Variants in EPM2A observed in about 807,000 individuals in gnomAD.
EPM2A encodes the protein laforin.
Under a neutral mutation model 26.5 loss-of-function variants are expected in EPM2A, and 21 were observed. The ratio of observed to expected loss-of-function variants is 0.79; its 90% CI spans 0.56 to 1.14. The LOEUF (loss-of-function observed/expected upper bound fraction) is 1.14. Among genes scored for constraint, EPM2A ranks in the 50% most tolerant of loss-of-function variants. EPM2A has a pLI of 0.00. For missense variants in EPM2A, 458 were observed against 440.8 expected, an observed-to-expected ratio of 1.04 and a Z score of -0.35; for synonymous variants, 217 against 177.6, an observed-to-expected ratio of 1.22 and a Z score of -1.76.
chr6:145,570,699 C>A (rs1233034804), intron 2 of EPM2A, among the ~76,000 whole-genome samples: 1 of 152,150 alleles, frequency 6.6e-6, no homozygotes, highest in African/African-American at 2.4e-5. Flanking sequence ...TGGAGTGACC[C>A]AAACCTTCAT....
intron 1 of EPM2A, among the ~76,000 whole-genome samples, chr6:145,712,449 T>C (rs910162462): frequency 2.6e-5 from 4 of 152,090 alleles, no homozygotes; most frequent in Non-Finnish European, 5.9e-5. Flanking sequence ...ACGCACTGCT[T>C]TGAAGAATTA....
chr6:145,695,266 T>C (rs191975119), intron 1 of EPM2A, among the ~76,000 whole-genome samples: 24 of 152,096 alleles, frequency 1.6e-4, no homozygotes, highest in African/African-American at 2.4e-4. Flanking sequence ...GTAAACCTCA[T>C]GGTAATTGCA....
At chr6:145,529,367 T>C (rs755564879) in intron 2 of EPM2A, among the ~76,000 whole-genome samples, 1 of 152,166 alleles carries the variant, frequency 6.6e-6, no homozygotes, top group Non-Finnish European at 1.5e-5. Flanking sequence ...CACTTCACTA[T>C]TGTCTTATTT....
At chr6:145,630,056 T>G (rs1776132759) in intron 3 of EPM2A, 2 of 152,248 alleles carry the variant, frequency 1.3e-5, no homozygotes, top group Admixed American at 1.3e-4. Flanking sequence ...CCCCTTTTCA[T>G]TTTATGTGTA....
rs4895674 is a variant in EPM2A at position 145,414,724 on chromosome 6, T to C, written c.556-30627A>G. On this transcript the variant is annotated intron_variant, in intron 4 of 4. Coordinates refer to the EPM2A transcript ENST00000638717. ...CTCTGACCTGCAAGTCCAATGTGGA[T>C]AGCAAATTCTCCTGGACAGCACTTT... Among the ~76,000 whole-genome samples the C allele has an allele frequency of 6.6e-5, 10 of 151,858 alleles. No individual in the cohort carries two copies. The East Asian group carries it at 2.0e-3, about 30-fold the overall frequency.
rs75916056 is a variant in EPM2A at position 145,584,607 on chromosome 6, G to C, written c.340+50638C>G. ...TAAGAGGTTGTCTCTGCCAGCTCAA[G>C]TGTCCCTGGGGGTCATGGGTTCTCC... is the stretch of plus-strand genomic sequence containing the variant. On this transcript the variant is annotated intron_variant, in intron 2 of 3. Coordinates refer to the EPM2A transcript ENST00000450221. Among the ~76,000 whole-genome samples the C allele has an allele frequency of 4.6e-3, 708 of 152,262 alleles. 26 individuals carry two copies. The East Asian group carries it at 0.085, about 18-fold the overall frequency.
At position 145,450,350 on chromosome 6, in the gene EPM2A, CAAAA is replaced by C. The variant is rs368618860; in HGVS notation, c.555+52168_555+52171del. On this transcript the variant is annotated intron_variant, in intron 4 of 4. Transcript: ENST00000638717. ...CCTGGGAGACAGTGAGACTCCGTCT[CAAAA>C]AAAAAAAAAAAAAAAAAAGAAACTG... 1.3e-4 allele frequency among the ~76,000 whole-genome samples: 8 copies of C among 62,492 alleles called. 1 individual carries two copies. In the South Asian group the frequency reaches 3.0e-3, roughly 24 times the overall value. The allele number at this position is 62,492 out of a possible 152,430, so 41.0% of individuals were successfully genotyped here.
At chr6:145,693,014 C>T (rs1311799654) in intron 1 of EPM2A, among the ~76,000 whole-genome samples, 1 of 151,842 alleles carries the variant, frequency 6.6e-6, no homozygotes, top group Admixed American at 6.6e-5. Context: ...AGTATGGCCA[C>T]TTGAGCAATA....
intron 2 of EPM2A, among the ~76,000 whole-genome samples, chr6:145,615,924 G>A (rs560281974): frequency 2.0e-5 from 3 of 152,242 alleles, no homozygotes; most frequent in African/African-American, 7.2e-5. Context: ...GTTTTAAAAG[G>A]GAAACAAAGC....
chr6:145,657,308 T>C (rs1778371665), intron 2 of EPM2A, among the ~76,000 whole-genome samples: 1 of 152,092 alleles, frequency 6.6e-6, no homozygotes, highest in African/African-American at 2.4e-5. Context: ...CAGGCCAGTC[T>C]GGAACTCCTG....
chr6:145,706,390 A>G (rs976807930), intron 1 of EPM2A, among the ~76,000 whole-genome samples: 2 of 152,234 alleles, frequency 1.3e-5, no homozygotes, highest in African/African-American at 2.4e-5. Flanking sequence ...AAAGTGCACT[A>G]ACCACATATA....
intron 4 of EPM2A, among the ~76,000 whole-genome samples, chr6:145,450,408 C>A (rs922565014): frequency 4.0e-5 from 6 of 148,412 alleles, no homozygotes; most frequent in Non-Finnish European, 7.5e-5. Context: ...TAAATTGGCA[C>A]AACCACTAAC....
intron 4 of EPM2A, among the ~76,000 whole-genome samples, chr6:145,445,504 C>T (rs1474709675): frequency 2.0e-5 from 3 of 152,108 alleles, no homozygotes; most frequent in Non-Finnish European, 4.4e-5. Context: ...TAGATTACGA[C>T]TGAGATGGGA....
chr6:145,422,092 G>GAT (rs1778795786), intron 4 of EPM2A, among the ~76,000 whole-genome samples: 1 of 142,132 alleles, frequency 7.0e-6, no homozygotes, highest in Admixed American at 7.1e-5. Flanking sequence ...GAGAGAGAGA[G>GAT]ATAATATATA....
chr6:145,489,472 G>A (rs145601509), intron 4 of EPM2A, among the ~76,000 whole-genome samples: 52 of 152,204 alleles, frequency 3.4e-4, no homozygotes, highest in African/African-American at 1.2e-3. Context: ...GCATTGAGCT[G>A]GGGAAGAGGA....
intron 1 of EPM2A, among the ~76,000 whole-genome samples, chr6:145,723,838 T>C (rs1384090351): frequency 6.6e-6 from 1 of 152,052 alleles, no homozygotes; most frequent in African/African-American, 2.4e-5. Context: ...GACAAAGAAG[T>C]CCATAAATCT....
At chr6:145,596,877 CTTTTTTTTTT>C (rs869211299) in intron 2 of EPM2A, among the ~76,000 whole-genome samples, 2 of 73,498 alleles carry the variant, frequency 2.7e-5, no homozygotes, top group African/African-American at 5.9e-5. Context: ...TCTCCGAGAT[CTTTTTTTTTT>C]TTTTTTTTTT....
intron 4 of EPM2A, among the ~76,000 whole-genome samples, chr6:145,453,016 C>A (rs769865303): frequency 1.3e-5 from 2 of 152,120 alleles, no homozygotes; most frequent in Non-Finnish European, 2.9e-5. Context: ...GACTTCCAAG[C>A]TTTTTGTATA....
At chr6:145,468,738 T>A (rs1040580302) in intron 4 of EPM2A, among the ~76,000 whole-genome samples, 18 of 152,114 alleles carry the variant, frequency 1.2e-4, no homozygotes, top group Admixed American at 2.6e-4. Flanking sequence ...ATTTCTTGAG[T>A]AATACCCCAT....
Sources: allele counts gnomAD v4.1 joint callset (sites outside exome capture counted in the v4.1 genomes callset), GRCh38; gene constraint gnomAD v4.1.1; transcripts MANE v1.5; gene names NCBI Gene and HGNC (gene_info 2026-07-23, HGNC 2026-07-21).